The following ITGA9 variants were observed in gnomAD, a reference collection of about 807,000 sequenced individuals.
The protein encoded by ITGA9 is integrin subunit alpha 9.
ITGA9 carries 56 observed loss-of-function variants against 127.8 expected under a neutral mutation model. The observed-to-expected ratio is 0.44, with a 90% confidence interval of 0.35 to 0.55. The LOEUF (loss-of-function observed/expected upper bound fraction) is 0.55. Ranked by LOEUF, ITGA9 falls within the 20% of genes least tolerant of loss-of-function variation. ITGA9 has a pLI of 0.00. For missense variants in ITGA9, 1,196 were observed against 1,347.1 expected (o/e 0.89, Z 1.76); for synonymous variants, 508 against 514.5 (o/e 0.99, Z 0.17).
At chr3:37,692,408 A>AGTGTGTGT (rs552452929) in intron 18 of ITGA9, among the ~76,000 whole-genome samples, 3 of 137,708 alleles carry the variant, frequency 2.2e-5, no homozygotes, top group Non-Finnish European at 4.5e-5. Context: ...TGAGAGAGAG[A>AGTGTGTGT]GAGAGTGTGT....
chr3:37,530,068 G>A (rs577251176), intron 13 of ITGA9, among the ~76,000 whole-genome samples: 15 of 152,366 alleles, frequency 9.8e-5, no homozygotes, highest in African/African-American at 3.6e-4. Context: ...ATCAGGGAGA[G>A]CAGGGAAGGC....
intron 18 of ITGA9, among the ~76,000 whole-genome samples, chr3:37,704,227 G>A (rs553791697): frequency 2.2e-4 from 33 of 152,202 alleles, no homozygotes; most frequent in Admixed American, 9.8e-4. Flanking sequence ...AGACAGCTGC[G>A]ATTTGTCTAA....
intron 4 of ITGA9, among the ~76,000 whole-genome samples, chr3:37,485,164 C>T (rs564037778): frequency 7.2e-5 from 11 of 152,260 alleles, no homozygotes; most frequent in African/African-American, 2.6e-4. Flanking sequence ...TGCTGGAGCC[C>T]GTCCCCAAGG....
At chr3:37,463,299 A>G (rs1698336220) in intron 1 of ITGA9, among the ~76,000 whole-genome samples, 1 of 152,280 alleles carries the variant, frequency 6.6e-6, no homozygotes, top group East Asian at 1.9e-4. Context: ...AGTGGCTTAA[A>G]TCAACCACCA....
At chr3:37,744,765 A>G (rs936936579) in intron 22 of ITGA9, among the ~76,000 whole-genome samples, 1 of 152,262 alleles carries the variant, frequency 6.6e-6, no homozygotes, top group Admixed American at 6.5e-5. Context: ...AAAGGCAGCC[A>G]TAGATAACAC....
intron 11 of ITGA9, among the ~76,000 whole-genome samples, chr3:37,522,365 A>G (rs1699052590): frequency 6.6e-6 from 1 of 152,164 alleles, no homozygotes; most frequent in Non-Finnish European, 1.5e-5. Flanking sequence ...CAGTGTGACA[A>G]AGGCTGTTTG....
At chr3:37,573,534 A>G (rs1425940732) in intron 15 of ITGA9, among the ~76,000 whole-genome samples, 1 of 152,100 alleles carries the variant, frequency 6.6e-6, no homozygotes, top group Non-Finnish European at 1.5e-5. Context: ...CCACAGGTGC[A>G]TGGTTAGGAC....
chr3:37,463,045 CTG>C (rs1244419643), intron 1 of ITGA9, among the ~76,000 whole-genome samples: 1 of 151,990 alleles, frequency 6.6e-6, no homozygotes, highest in African/African-American at 2.4e-5. Flanking sequence ...CAGTAAAAGT[CTG>C]TGGTCCTGGT....
At position 37,780,040 on chromosome 3, in the gene ITGA9, C is replaced by T; in HGVS notation, c.2787+19C>T. ...GAAAAAGGTAAGCCCTAATGAACCG[C>T]ACTTGTGGATGCATTTAGAAGCATT... On this transcript the variant is annotated intron_variant, in intron 25 of 27. Transcript: ENST00000264741. 6.2e-7 allele frequency: 1 copy of T among 1,613,278 alleles called. No individual in the cohort carries two copies. Among genetic ancestry groups the T allele is most frequent in the Middle Eastern group, 1.7e-4 (1 of 6,058 alleles).
At position 37,821,401 on chromosome 3, in the gene ITGA9, A is replaced by G. The variant is rs1179620369; in HGVS notation, c.*2412A>G. The G allele has an allele frequency of 1.3e-5, 2 of 152,188 alleles. No individual in the cohort carries two copies. Among genetic ancestry groups the G allele is most frequent in the Admixed American group, 6.5e-5 (1 of 15,278 alleles). 9.4% of individuals were successfully genotyped at this position (152,188 alleles called of 1,614,324 possible). A position where few individuals can be genotyped will look rare whatever the true frequency, so the allele number is the denominator to read the frequency against. Reference sequence around the variant, plus strand: ...GTTCCCCAGAGAACACTTCAGGGACATTTTGCCTCAGGGTGGCAAAATGCA... The same window carrying G: ...GTTCCCCAGAGAACACTTCAGGGACGTTTTGCCTCAGGGTGGCAAAATGCA... On this transcript the variant is annotated 3_prime_UTR_variant, in exon 28 of 28. Transcript: ENST00000264741.
At chr3:37,560,246 T>C (rs2433338) in intron 15 of ITGA9, among the ~76,000 whole-genome samples, 85,102 of 151,976 alleles carry the variant, frequency 0.56, 24,593 homozygotes, top group African/African-American at 0.69. Context: ...ATGATGGTTT[T>C]CAGCTTCATC....
chr3:37,817,271 G>T (rs923358672), intron 27 of ITGA9, among the ~76,000 whole-genome samples: 2 of 152,196 alleles, frequency 1.3e-5, no homozygotes, highest in Non-Finnish European at 2.9e-5. Flanking sequence ...GAGTCTTAAG[G>T]GTTTTCCAGT....
At chr3:37,684,743 A>G (rs527961198) in intron 18 of ITGA9, among the ~76,000 whole-genome samples, 11 of 152,340 alleles carry the variant, frequency 7.2e-5, no homozygotes, top group Non-Finnish European at 1.3e-4. Flanking sequence ...TGCTGGGATT[A>G]CAGGTGTGAC....
At chr3:37,470,803 C>T (rs991283233) in intron 1 of ITGA9, among the ~76,000 whole-genome samples, 5 of 152,210 alleles carry the variant, frequency 3.3e-5, no homozygotes, top group African/African-American at 1.2e-4. Context: ...CACATTCAGC[C>T]TCCTTAAGCT....
chr3:37,480,655 T>C (rs1698543327), intron 3 of ITGA9, among the ~76,000 whole-genome samples: 1 of 152,232 alleles, frequency 6.6e-6, no homozygotes. Flanking sequence ...CATTTACTTC[T>C]AGTTAATGAG....
chr3:37,665,222 A>G (rs1700575006), intron 17 of ITGA9, among the ~76,000 whole-genome samples: 1 of 151,626 alleles, frequency 6.6e-6, no homozygotes, highest in South Asian at 2.1e-4. Context: ...TGATCCACCC[A>G]CCTTGGCCTC....
At chr3:37,809,208 C>G (rs1697336861) in intron 27 of ITGA9, among the ~76,000 whole-genome samples, 2 of 151,664 alleles carry the variant, frequency 1.3e-5, no homozygotes, top group African/African-American at 4.9e-5. Flanking sequence ...ACCTCAGTCT[C>G]CTGAGTAGCT....
chr3:37,578,591 A>G (rs992539765), intron 15 of ITGA9, among the ~76,000 whole-genome samples: 6 of 152,118 alleles, frequency 3.9e-5, no homozygotes, highest in Non-Finnish European at 7.4e-5. Context: ...GCTTGCTTAC[A>G]TCTACTAACT....
intron 16 of ITGA9, among the ~76,000 whole-genome samples, chr3:37,651,146 G>A (rs981357244): frequency 2.6e-5 from 4 of 152,048 alleles, no homozygotes; most frequent in Non-Finnish European, 4.4e-5. Context: ...CACACGCACT[G>A]TGTGTGTGTA....
Sources: allele counts gnomAD v4.1 joint callset (sites outside exome capture counted in the v4.1 genomes callset), GRCh38; gene constraint gnomAD v4.1.1; transcripts MANE v1.5; gene names NCBI Gene and HGNC (gene_info 2026-07-23, HGNC 2026-07-21).